CDH13: variants seen among roughly 807,000 people sequenced by gnomAD.
CDH13 encodes cadherin-13.
In CDH13, 24 loss-of-function variants were observed where a neutral mutation model predicts 63.8. The observed-to-expected ratio is 0.38, with a 90% CI of 0.27 to 0.53. The LOEUF (loss-of-function observed/expected upper bound fraction) is 0.53. Ranked by LOEUF, CDH13 falls within the 20% of genes least tolerant of loss-of-function variation. The pLI, the probability that CDH13 is intolerant of heterozygous loss-of-function variation, is 0.85. For synonymous variants in CDH13, 503 were observed against 355.3 expected (o/e 1.42, Z -4.67); for missense variants, 1,049 against 903.1 (o/e 1.16, Z -2.07).
At chr16:83,679,054 A>G (rs1192199673) in intron 10 of CDH13, among the ~76,000 whole-genome samples, 1 of 151,736 alleles carries the variant, frequency 6.6e-6, no homozygotes, top group Non-Finnish European at 1.5e-5. Context: ...TTGGAAATAG[A>G]CCATTGGGAT....
intron 3 of CDH13, among the ~76,000 whole-genome samples, chr16:83,121,259 G>A (rs904157933): frequency 6.6e-6 from 1 of 152,046 alleles, no homozygotes; most frequent in Non-Finnish European, 1.5e-5. Flanking sequence ...ATATTCTTCT[G>A]TGATCACTAT....
chr16:82,866,921 G>A (rs1385173669), intron 2 of CDH13, among the ~76,000 whole-genome samples: 2 of 152,134 alleles, frequency 1.3e-5, no homozygotes, highest in African/African-American at 4.8e-5. Context: ...TGACATGTGG[G>A]GATTATGGGT....
chr16:83,634,063 G>T (rs944128343), intron 8 of CDH13, among the ~76,000 whole-genome samples: 1 of 151,942 alleles, frequency 6.6e-6, no homozygotes, highest in African/African-American at 2.4e-5. Context: ...GTTCATGTGG[G>T]CACAATACTA....
At chr16:83,127,080 G>A (rs2035844086) in intron 4 of CDH13, among the ~76,000 whole-genome samples, 1 of 152,200 alleles carries the variant, frequency 6.6e-6, no homozygotes, top group Non-Finnish European at 1.5e-5. Context: ...ATATCTGGTT[G>A]AACAGCATCT....
At chr16:82,854,265 G>T (rs543696702) in intron 1 of CDH13, among the ~76,000 whole-genome samples, 2 of 152,124 alleles carry the variant, frequency 1.3e-5, no homozygotes, top group South Asian at 4.2e-4. Context: ...GCTAGGCGTG[G>T]TGGCTGGCAC....
intron 6 of CDH13, among the ~76,000 whole-genome samples, chr16:83,457,214 C>G (rs532015905): frequency 6.6e-6 from 1 of 152,156 alleles, no homozygotes; most frequent in Non-Finnish European, 1.5e-5. Context: ...TGACACCTTA[C>G]GGTTGTTTTG....
chr16:82,803,233 A>T (rs978923885), intron 1 of CDH13, among the ~76,000 whole-genome samples: 2 of 152,178 alleles, frequency 1.3e-5, no homozygotes, highest in African/African-American at 2.4e-5. Context: ...CTTGAATAGC[A>T]CCACAAAGAC....
At chr16:83,506,926 GA>G (rs1253849608) in intron 7 of CDH13, among the ~76,000 whole-genome samples, 1 of 152,164 alleles carries the variant, frequency 6.6e-6, no homozygotes, top group Non-Finnish European at 1.5e-5. Flanking sequence ...CCAACATCCT[GA>G]CTGAACTACA....
intron 3 of CDH13, among the ~76,000 whole-genome samples, chr16:83,111,700 C>T (rs951009294): frequency 6.6e-6 from 1 of 152,162 alleles, no homozygotes; most frequent in Non-Finnish European, 1.5e-5. Context: ...AGCAGTGAAG[C>T]ACTTGCTGTA....
intron 9 of CDH13, among the ~76,000 whole-genome samples, chr16:83,674,159 T>C (rs1466862969): frequency 6.6e-6 from 1 of 152,248 alleles, no homozygotes; most frequent in Non-Finnish European, 1.5e-5. Context: ...AGTAACAGAA[T>C]GTTAGACTAA....
intron 1 of CDH13, chr16:82,705,250 C>T (rs1316834455): frequency 2.3e-6 from 1 of 442,052 alleles, no homozygotes; most frequent in East Asian, 7.0e-5. Flanking sequence ...GGTGCGGCTG[C>T]ACTTCAAGAG....
At chr16:82,959,032 G>C (rs9933379) in intron 2 of CDH13, among the ~76,000 whole-genome samples, 1 of 152,188 alleles carries the variant, frequency 6.6e-6, no homozygotes, top group Non-Finnish European at 1.5e-5. Flanking sequence ...GTATTTTGGC[G>C]AGGAGCAAGG....
chr16:83,706,936 A>G (rs1161122046), intron 10 of CDH13, among the ~76,000 whole-genome samples: 2 of 150,206 alleles, frequency 1.3e-5, no homozygotes, highest in African/African-American at 4.9e-5. Context: ...GACTCACTTC[A>G]TCCCTTCACT....
chr16:82,688,083 C>G (rs754348031), intron 1 of CDH13, among the ~76,000 whole-genome samples: 2 of 152,090 alleles, frequency 1.3e-5, no homozygotes, highest in Non-Finnish European at 2.9e-5. Context: ...GTGATTTTAC[C>G]TTTTTGTGAA....
At position 83,003,320 on chromosome 16, in the gene CDH13, G is replaced by C. The variant is rs564085115; in HGVS notation, c.158-28690G>C. Among the ~76,000 whole-genome samples, 6 of 152,088 alleles carry C rather than the reference G, an allele frequency of 3.9e-5. No homozygotes were observed. The South Asian group carries it at 1.2e-3, about 32-fold the overall frequency. On this transcript the variant is annotated intron_variant, in intron 2 of 13. Coordinates refer to ENST00000567109, the MANE Select transcript of CDH13 (RefSeq NM_001257.5). ...CCATCTCTCATGGTGTCTTCAGAAT[G>C]TTTCAGTAGCTTTGTGACTCCAGGT...
At chr16:83,107,054 A>G (rs28524119) in intron 3 of CDH13, among the ~76,000 whole-genome samples, 14,123 of 152,192 alleles carry the variant, frequency 0.093, 727 homozygotes, top group African/African-American at 0.13. Flanking sequence ...ACATTTGAAA[A>G]ATGTGAAGAG....
intron 5 of CDH13, among the ~76,000 whole-genome samples, chr16:83,296,801 A>G (rs1359023607): frequency 6.6e-6 from 1 of 152,234 alleles, no homozygotes; most frequent in Non-Finnish European, 1.5e-5. Context: ...TGTACACCCA[A>G]TAACACGGGT....
At chr16:83,676,026 G>A (rs948574879) in intron 9 of CDH13, among the ~76,000 whole-genome samples, 9 of 152,218 alleles carry the variant, frequency 5.9e-5, no homozygotes, top group Admixed American at 2.0e-4. Flanking sequence ...GCAGCTTATA[G>A]TTATAAGAGC....
chr16:83,423,908 G>A (rs532272317), intron 6 of CDH13, among the ~76,000 whole-genome samples: 10 of 152,330 alleles, frequency 6.6e-5, no homozygotes, highest in African/African-American at 2.4e-4. Flanking sequence ...ATGGCAGTCT[G>A]GGACGTGGCT....
Sources: allele counts gnomAD v4.1 joint callset (sites outside exome capture counted in the v4.1 genomes callset), GRCh38; gene constraint gnomAD v4.1.1; transcripts MANE v1.5; gene names NCBI Gene and HGNC (gene_info 2026-07-23, HGNC 2026-07-21).